The following CPQ variants were observed in gnomAD, a reference collection of about 807,000 sequenced individuals.
CPQ encodes the protein Ser-Met dipeptidase.
CPQ carries 37 observed loss-of-function variants against 45.7 expected under a neutral mutation model. The observed-to-expected ratio is 0.81, with a 90% confidence interval of 0.62 to 1.07. The LOEUF is 1.07. Ranked by LOEUF, CPQ falls within the 50% of genes least tolerant of loss-of-function variation. CPQ has a pLI of 0.00. For synonymous variants in CPQ, 186 were observed against 205.8 expected (o/e 0.90, Z 0.82); for missense variants, 537 against 572.9 (o/e 0.94, Z 0.64).
chr8:97,011,888 T>C (rs117513499), intron 5 of CPQ, among the ~76,000 whole-genome samples: 3,744 of 152,198 alleles, frequency 0.025, 64 homozygotes, highest in Admixed American at 0.052. Context: ...ATCCAATCCT[T>C]TCCTTTATTA....
rs369894838 is a variant in CPQ, at chr8:96,965,929, T to A, written c.850-6T>A. 1.7e-5 allele frequency: 26 copies of A among 1,571,974 alleles called. No individual in the cohort carries two copies. The highest frequency in any genetic ancestry group is 2.7e-5 in the African/African-American group (2 of 72,846). The stretch of plus-strand genomic sequence containing the variant: ...TTATTTTTTAACTTTTTATTATTTG[T>A]TCTAGGTTGTACTGGTCAGTGGACA... On this transcript the variant is annotated splice_region_variant and splice_polypyrimidine_tract_variant and intron_variant, in intron 4 of 7. Coordinates refer to ENST00000220763, the MANE Select transcript of CPQ (RefSeq NM_016134.4).
At position 96,741,762 on chromosome 8, in the gene CPQ, A is replaced by C. The variant is rs1316155741; in HGVS notation, c.-34-43102A>C. Among the ~76,000 whole-genome samples the C allele has an allele frequency of 1.4e-3, 206 of 151,518 alleles. 2 individuals are homozygous for C. The highest frequency in any genetic ancestry group is 0.011 in the Admixed American group (160 of 15,222). On this transcript the variant is annotated intron_variant, in intron 1 of 7. Transcript: ENST00000220763. ...GTAGTCATTCAGGAGCAGGTTGTTCAGTTTTCATGTAGTTGAGCGGTTTTG... is the reference window on the plus strand; with the variant it reads ...GTAGTCATTCAGGAGCAGGTTGTTCCGTTTTCATGTAGTTGAGCGGTTTTG...
intron 5 of CPQ, among the ~76,000 whole-genome samples, chr8:97,021,711 G>A (rs910846543): frequency 2.6e-5 from 4 of 152,114 alleles, no homozygotes; most frequent in Non-Finnish European, 5.9e-5. Context: ...AGAAATCATA[G>A]ACAACGCAAA....
intron 1 of CPQ, among the ~76,000 whole-genome samples, chr8:96,738,067 T>C (rs1336933198): frequency 6.6e-6 from 1 of 152,178 alleles, no homozygotes; most frequent in African/African-American, 2.4e-5. Flanking sequence ...TAATTTAACT[T>C]TTTTGTCAGA....
intron 3 of CPQ, among the ~76,000 whole-genome samples, chr8:96,845,330 G>A (rs920574603): frequency 6.6e-6 from 1 of 152,114 alleles, no homozygotes; most frequent in Non-Finnish European, 1.5e-5. Flanking sequence ...TGTGTCTTTC[G>A]TGTACCTCAT....
intron 3 of CPQ, among the ~76,000 whole-genome samples, chr8:96,837,465 C>T (rs1233795009): frequency 6.6e-6 from 1 of 152,180 alleles, no homozygotes; most frequent in Non-Finnish European, 1.5e-5. Flanking sequence ...TGTTTCTTCT[C>T]TTTGGCTTCC....
At chr8:96,777,970 C>T (rs1288291563) in intron 1 of CPQ, among the ~76,000 whole-genome samples, 1 of 150,228 alleles carries the variant, frequency 6.7e-6, no homozygotes, top group African/African-American at 2.4e-5. Flanking sequence ...CTTTGTGATC[C>T]GCATGCCTTG....
chr8:96,782,915 A>C (rs1010296816), intron 1 of CPQ, among the ~76,000 whole-genome samples: 3 of 152,156 alleles, frequency 2.0e-5, no homozygotes, highest in Admixed American at 6.6e-5. Context: ...GATAGCCTTT[A>C]CTACAGTTTC....
chr8:97,123,168 A>AAAAT (rs1469868776), intron 7 of CPQ, among the ~76,000 whole-genome samples: 45 of 108,766 alleles, frequency 4.1e-4, no homozygotes, highest in Non-Finnish European at 5.4e-4. Context: ...AAAATAAAAT[A>AAAAT]AAATAAAATA....
intron 7 of CPQ, chr8:97,093,057 A>G (rs956210360): frequency 6.6e-6 from 1 of 152,208 alleles, no homozygotes; most frequent in Non-Finnish European, 1.5e-5. Flanking sequence ...GCCAACAAAC[A>G]TATGAAAAAA....
chr8:96,863,636 G>A (rs772274441), intron 3 of CPQ, among the ~76,000 whole-genome samples: 21 of 152,072 alleles, frequency 1.4e-4, no homozygotes, highest in Non-Finnish European at 2.8e-4. Flanking sequence ...CTGATTATAT[G>A]CATTTGCTTC....
chr8:97,096,475 T>C (rs1483288813), intron 7 of CPQ, among the ~76,000 whole-genome samples: 1 of 152,156 alleles, frequency 6.6e-6, no homozygotes, highest in Non-Finnish European at 1.5e-5. Flanking sequence ...CCTCCCTAAA[T>C]AACTAGGCAA....
At chr8:96,663,804 A>T (rs1307830138) in intron 1 of CPQ, among the ~76,000 whole-genome samples, 1 of 152,246 alleles carries the variant, frequency 6.6e-6, no homozygotes, top group East Asian at 1.9e-4. Context: ...AGAAATGCTC[A>T]ATGATAAGTC....
chr8:96,777,188 C>T (rs775621496), intron 1 of CPQ, among the ~76,000 whole-genome samples: 31 of 152,056 alleles, frequency 2.0e-4, no homozygotes, highest in Non-Finnish European at 2.9e-4. Flanking sequence ...TTTTCATCCC[C>T]ATGGCTGCTT....
chr8:96,678,261 C>A (rs1327900957), intron 1 of CPQ, among the ~76,000 whole-genome samples: 3 of 152,038 alleles, frequency 2.0e-5, no homozygotes, highest in Non-Finnish European at 2.9e-5. Flanking sequence ...TTGCTTTGGG[C>A]AGTATGGTCG....
intron 3 of CPQ, among the ~76,000 whole-genome samples, chr8:96,870,190 G>A (rs1022819056): frequency 6.6e-6 from 1 of 151,816 alleles, no homozygotes; most frequent in Non-Finnish European, 1.5e-5. Context: ...ATTATCAGAA[G>A]GAATATAAAG....
chr8:96,751,381 T>C (rs1212451045), intron 1 of CPQ, among the ~76,000 whole-genome samples: 2 of 152,222 alleles, frequency 1.3e-5, no homozygotes, highest in Non-Finnish European at 2.9e-5. Flanking sequence ...ATTTCTCTAA[T>C]GACCAGTGAT....
intron 6 of CPQ, among the ~76,000 whole-genome samples, chr8:97,035,024 C>T (rs1275013489): frequency 5.9e-5 from 9 of 151,992 alleles, no homozygotes; most frequent in African/African-American, 1.7e-4. Flanking sequence ...TCCCAAGTAG[C>T]TGAGACTACA....
chr8:96,915,523 T>C (rs1812722547), intron 4 of CPQ, among the ~76,000 whole-genome samples: 1 of 152,206 alleles, frequency 6.6e-6, no homozygotes, highest in South Asian at 2.1e-4. Flanking sequence ...CATCTCTTTA[T>C]TGATGAATTT....
Sources: allele counts gnomAD v4.1 joint callset (sites outside exome capture counted in the v4.1 genomes callset), GRCh38; gene constraint gnomAD v4.1.1; transcripts MANE v1.5; gene names NCBI Gene and HGNC (gene_info 2026-07-23, HGNC 2026-07-21).